The following TJAP1 variants were observed in gnomAD, a reference collection of about 807,000 sequenced individuals.
TJAP1 encodes the protein tight junction-associated protein 1.
In TJAP1, 27 loss-of-function variants were observed where a neutral mutation model predicts 42.0. That is an observed-to-expected ratio of 0.64 (90% CI 0.47 to 0.89). The LOEUF is 0.89. Ranked by LOEUF, TJAP1 falls within the 40% of genes least tolerant of loss-of-function variation. TJAP1 has a pLI of 0.00. For missense variants in TJAP1, 712 were observed against 726.9 expected (o/e 0.98, Z 0.24); for synonymous variants, 257 against 288.4 (o/e 0.89, Z 1.10).
At chr6:43,482,859 C>T (rs1269997897) in intron 2 of TJAP1, among the ~76,000 whole-genome samples, 1 of 152,170 alleles carries the variant, frequency 6.6e-6, no homozygotes, top group Non-Finnish European at 1.5e-5. Flanking sequence ...CGTGGTGGCT[C>T]ACGCCTGTAA....
chr6:43,498,245 A>G (rs954307887), intron 3 of TJAP1, among the ~76,000 whole-genome samples: 15 of 152,206 alleles, frequency 9.9e-5, no homozygotes, highest in African/African-American at 4.8e-5. Flanking sequence ...AGTGTTTTAC[A>G]TCATCTTCCC....
intron 10 of TJAP1, chr6:43,504,115 CTT>C (rs869310556): frequency 0.024 from 6,083 of 252,450 alleles, no homozygotes; most frequent in South Asian, 0.045. Flanking sequence ...AGAGGTATTT[CTT>C]TTTTTTTTTT....
chr6:43,502,669 T>G (rs370645098), intron 8 of TJAP1, 52 bp downstream of exon 8: 53 of 1,544,168 alleles, frequency 3.4e-5, no homozygotes, highest in Non-Finnish European at 4.4e-5. Flanking sequence ...TCTCCTCAGC[T>G]GAGATCTGGG....
At chr6:43,479,842 C>T (rs1408836551) in intron 2 of TJAP1, among the ~76,000 whole-genome samples, 3 of 152,054 alleles carry the variant, frequency 2.0e-5, no homozygotes, top group Non-Finnish European at 4.4e-5. Flanking sequence ...TGGTGGCATG[C>T]GCCTGTAGTC....
At position 43,505,635 on chromosome 6, in the gene TJAP1, A is replaced by T; in HGVS notation, c.1454A>T (p.Glu485Val). 6.2e-7 allele frequency: 1 copy of T among 1,613,282 alleles called. No homozygotes were observed. The highest frequency in any genetic ancestry group is 1.1e-5 in the South Asian group (1 of 91,086). Reference sequence around the variant, plus strand: ...TCTGGCTTTCCCAGGGAGGAAGAAGAGCTGAACCTGCCTATCAGTCCTGAG... The same window carrying T: ...TCTGGCTTTCCCAGGGAGGAAGAAGTGCTGAACCTGCCTATCAGTCCTGAG... The change falls in exon 11 of 11, where the codon GAG becomes GTG. Residue 485 changes from glutamate (E) to valine (V), a missense_variant. This residue lies in a region of TJAP1 where 549 missense variants were observed against 528.2 expected (regional missense o/e 1.04). Transcript: ENST00000372449. The surrounding 1 kb of genome is among the most constrained non-coding windows in gnomAD (Gnocchi z 5.5).
At chr6:43,494,287 A>G (rs1270271792) in intron 2 of TJAP1, among the ~76,000 whole-genome samples, 1 of 152,214 alleles carries the variant, frequency 6.6e-6, no homozygotes, top group African/African-American at 2.4e-5. Context: ...AATGAATGCT[A>G]TGCAGAGCAT....
rs1403390247 is a variant in TJAP1 at position 43,502,550 on chromosome 6, C to T, written c.358-38C>T. ...GTTTCTCTTCTTTCCTCGTCTCCCC[C>T]TCATGCTGCCACCGTTGCTGCTGCA... is the stretch of plus-strand genomic sequence containing the variant. On this transcript the variant is annotated intron_variant, in intron 7 of 10. Coordinates refer to ENST00000372449, the Ensembl canonical transcript of TJAP1. The T allele has an allele frequency of 4.5e-6, 7 of 1,551,484 alleles. No homozygotes were observed. In the East Asian group the frequency reaches 7.3e-5, roughly 16 times the overall value.
intron 2 of TJAP1, among the ~76,000 whole-genome samples, chr6:43,487,994 C>T (rs112423012): frequency 0.033 from 5,067 of 151,990 alleles, 272 homozygotes; most frequent in African/African-American, 0.11. Context: ...CTCAGCCTCC[C>T]GAGTAGCTGG....
intron 2 of TJAP1, among the ~76,000 whole-genome samples, chr6:43,484,256 C>A (rs1428391303): frequency 6.6e-6 from 1 of 151,934 alleles, no homozygotes; most frequent in Admixed American, 6.6e-5. Context: ...GTCAGGAGTT[C>A]GAGACCAGCC....
chr6:43,502,102 T>TCC (rs1791031957), intron 6 of TJAP1, among the ~76,000 whole-genome samples, 181 bp from the exon 7 acceptor site: 1 of 150,688 alleles, frequency 6.6e-6, no homozygotes, highest in Admixed American at 6.6e-5. Context: ...TCTCTCTCTC[T>TCC]CTCTCTCTCC....
chr6:43,481,502 CTT>C (rs1311118757), intron 2 of TJAP1, among the ~76,000 whole-genome samples: 6 of 125,170 alleles, frequency 4.8e-5, no homozygotes, highest in Admixed American at 4.2e-4. Flanking sequence ...CAAAAAAAAA[CTT>C]AACAGTCAAT....
At chr6:43,488,638 T>C (rs1198234088) in intron 2 of TJAP1, among the ~76,000 whole-genome samples, 2 of 152,226 alleles carry the variant, frequency 1.3e-5, no homozygotes, top group African/African-American at 2.4e-5. Flanking sequence ...GAATTAGCCA[T>C]GTCACTTGCT....
chr6:43,496,561 G>A (rs1018472258), intron 2 of TJAP1, among the ~76,000 whole-genome samples: 6 of 152,204 alleles, frequency 3.9e-5, no homozygotes, highest in Non-Finnish European at 5.9e-5. Flanking sequence ...GCTCCCCACC[G>A]AACCCCAAAC....
chr6:43,498,766 G>T (rs895308808), intron 3 of TJAP1, among the ~76,000 whole-genome samples: 1 of 151,994 alleles, frequency 6.6e-6, no homozygotes, highest in African/African-American at 2.4e-5. Flanking sequence ...TCTGTTCCCC[G>T]TTGGACCCAT....
chr6:43,494,774 T>C (rs1461281937), intron 2 of TJAP1, among the ~76,000 whole-genome samples: 2 of 151,144 alleles, frequency 1.3e-5, no homozygotes, highest in Admixed American at 6.6e-5. Context: ...GGTTTCACCA[T>C]GTTGGCCAGG....
rs766891582 is a variant in TJAP1, at chr6:43,505,032, C to T, written c.851C>T (p.Thr284Ile). 2.4e-5 allele frequency: 39 copies of T among 1,613,942 alleles called. No homozygotes were observed. Among genetic ancestry groups the T allele is most frequent in the Admixed American group, 1.5e-4 (9 of 60,010 alleles). Reference sequence around the variant, plus strand: ...AGTCCCCCGGCCCCTGGCAGCCCCACCCCACAACCCAATGGGGAGTGCCAC... The same window carrying T: ...AGTCCCCCGGCCCCTGGCAGCCCCATCCCACAACCCAATGGGGAGTGCCAC... Residue 284 changes from threonine (T) to isoleucine (I), a missense_variant, in exon 11 of 11, where the codon ACC (threonine) becomes ATC (isoleucine). By Grantham distance (89) the Thr-to-Ile change is moderately conservative (BLOSUM62 -1). This residue lies in a region of TJAP1 where 549 missense variants were observed against 528.2 expected (regional missense o/e 1.04). Transcript: ENST00000372449. This position sits in a 1 kb window ranked among gnomAD's most constrained non-coding sequence, Gnocchi z 5.5.
chr6:43,501,586 T>C (rs1790544470), exon 6 of TJAP1: 4 of 1,614,056 alleles, frequency 2.5e-6, no homozygotes, highest in African/African-American at 1.3e-5. Flanking sequence ...CCAGACGCAC[T>C]GAGGCCCTGG....
chr6:43,502,733 C>T, intron 8 of TJAP1, 116 bp downstream of exon 8: 1 of 1,196,680 alleles, frequency 8.4e-7, no homozygotes. Context: ...GCTCCTTTCT[C>T]TTCCCTGTAT....
intron 2 of TJAP1, among the ~76,000 whole-genome samples, chr6:43,490,414 T>C (rs1193734088): frequency 1.3e-5 from 2 of 152,256 alleles, no homozygotes; most frequent in Non-Finnish European, 2.9e-5. Context: ...CTGCTTCTCA[T>C]GCCTCAGAGA....
Sources: gnomAD v4.1 joint callset for allele counts (sites outside exome capture counted in the v4.1 genomes callset) on GRCh38, gnomAD v4.1.1 for gene constraint, gnomAD v4.1.1 regional missense constraint, Gnocchi (gnomAD v3.1) non-coding constraint, MANE v1.5 for transcripts, NCBI Gene and HGNC (gene_info 2026-07-23, HGNC 2026-07-21) for gene names.